Variants in FBLIM1 observed in about 807,000 individuals in gnomAD.
FBLIM1 encodes filamin binding LIM protein 1.
In FBLIM1, 29 loss-of-function variants were observed where a neutral mutation model predicts 37.4. The observed-to-expected ratio is 0.77, with a 90% CI of 0.58 to 1.06. FBLIM1 has a LOEUF of 1.06. Among genes scored for constraint, FBLIM1 ranks in the 50% least tolerant of loss-of-function variants. The pLI is 0.00. For missense variants in FBLIM1, 449 were observed against 505.6 expected (o/e 0.89, Z 1.07); for synonymous variants, 193 against 199.0 (o/e 0.97, Z 0.25).
rs773042702 is a variant in FBLIM1, at chr1:15,774,801, G to A, written c.890+5G>A. On this transcript the variant is annotated splice_donor_5th_base_variant and intron_variant, in intron 7 of 8. Coordinates refer to ENST00000375766, the MANE Select transcript of FBLIM1 (RefSeq NM_017556.4). ...CTGCCTGGACGACTTCTACAGGTAC[G>A]AGAAGGGTTTGTGCACTGGGTGGGG... The A allele has an allele frequency of 9.3e-6, 15 of 1,614,104 alleles. No homozygotes were observed. The South Asian group carries it at 9.9e-5, about 11-fold the overall frequency.
chr1:15,774,851 C>A, intron 7 of FBLIM1, 55 bp downstream of exon 7: 1 of 1,613,666 alleles, frequency 6.2e-7, no homozygotes, highest in South Asian at 1.1e-5. Flanking sequence ...GAGACCCAAG[C>A]AGGGTGAAGG....
At chr1:15,760,901 C>T (rs764911456) in intron 1 of FBLIM1, among the ~76,000 whole-genome samples, 1 of 152,128 alleles carries the variant, frequency 6.6e-6, no homozygotes, top group African/African-American at 2.4e-5. Context: ...CCAGCTGAAT[C>T]GGTGGCAGTG....
At chr1:15,759,139 G>T (rs1412554408) in intron 1 of FBLIM1, among the ~76,000 whole-genome samples, 1 of 152,146 alleles carries the variant, frequency 6.6e-6, no homozygotes, top group Non-Finnish European at 1.5e-5. Flanking sequence ...GGGACCCGGC[G>T]CGCAGGGCGG....
chr1:15,776,309 C>T (rs992286536), intron 7 of FBLIM1, among the ~76,000 whole-genome samples: 36 of 152,142 alleles, frequency 2.4e-4, no homozygotes, highest in African/African-American at 8.0e-4. Context: ...CAGGCAGGTA[C>T]GATTAAGGGT....
intron 7 of FBLIM1, among the ~76,000 whole-genome samples, chr1:15,775,534 CAAAA>C (rs1161761535): frequency 2.4e-5 from 2 of 84,334 alleles, no homozygotes. Context: ...GACTCTGTCT[CAAAA>C]AAAAAAAAAA....
intron 8 of FBLIM1, among the ~76,000 whole-genome samples, chr1:15,779,557 C>T (rs1232901431): frequency 6.6e-6 from 1 of 152,130 alleles, no homozygotes; most frequent in Non-Finnish European, 1.5e-5. Flanking sequence ...CCTGCCTCAG[C>T]CTCCCAAAGT....
At chr1:15,762,867 T>C (rs535795866) in intron 1 of FBLIM1, among the ~76,000 whole-genome samples, 2 of 151,892 alleles carry the variant, frequency 1.3e-5, no homozygotes, top group Non-Finnish European at 2.9e-5. Flanking sequence ...AATCGGGGGG[T>C]GCCTTGTGGA....
chr1:15,760,954 C>G (rs567299347), intron 1 of FBLIM1, among the ~76,000 whole-genome samples: 1 of 152,260 alleles, frequency 6.6e-6, no homozygotes, highest in East Asian at 1.9e-4. Context: ...ATGGGATTGA[C>G]AGGGCTTTGA....
At chr1:15,764,743 CT>C in intron 2 of FBLIM1, 58 bp downstream of exon 2, 1 of 573,096 alleles carries the variant, frequency 1.7e-6, no homozygotes, top group Non-Finnish European at 3.0e-6. Flanking sequence ...GCAGTCAGGA[CT>C]TTTGGGTCTC....
At chr1:15,781,061 T>C (rs2069622050) in intron 8 of FBLIM1, among the ~76,000 whole-genome samples, 1 of 151,848 alleles carries the variant, frequency 6.6e-6, no homozygotes, top group African/African-American at 2.4e-5. Flanking sequence ...ACTCCAGCAG[T>C]TATGTGTCAG....
chr1:15,763,992 G>C (rs1468417747), intron 1 of FBLIM1, among the ~76,000 whole-genome samples: 1 of 152,168 alleles, frequency 6.6e-6, no homozygotes, highest in Non-Finnish European at 1.5e-5. Flanking sequence ...GAAAGATCAG[G>C]GTTAGGAGGT....
chr1:15,759,134 C>A (rs1007121569), intron 1 of FBLIM1, among the ~76,000 whole-genome samples: 7 of 151,886 alleles, frequency 4.6e-5, no homozygotes, highest in African/African-American at 1.7e-4. Context: ...AGCCGGGGAC[C>A]CGGCGCGCAG....
upstream of FBLIM1, among the ~76,000 whole-genome samples, chr1:15,757,481 G>A (rs2068470793): frequency 1.3e-5 from 2 of 152,160 alleles, no homozygotes; most frequent in Non-Finnish European, 2.9e-5. The surrounding 1 kb of genome is among the most constrained non-coding windows in gnomAD (Gnocchi z 4.1). Context: ...GACTGCTGCT[G>A]TTACTGCAGC....
chr1:15,757,886 T>A, upstream of FBLIM1: 2 of 152,062 alleles, frequency 1.3e-5, no homozygotes, highest in East Asian at 3.9e-4. The surrounding 1 kb of genome is among the most constrained non-coding windows in gnomAD (Gnocchi z 4.1). Flanking sequence ...CCCGTCCTAA[T>A]TGCTCCAGCT....
chr1:15,779,965 G>A (rs2069594486), intron 8 of FBLIM1, among the ~76,000 whole-genome samples: 1 of 152,022 alleles, frequency 6.6e-6, no homozygotes, highest in South Asian at 2.1e-4. Flanking sequence ...AGCCTTGAAC[G>A]AACTTTTGGG....
chr1:15,767,347 G>T, intron 3 of FBLIM1, 29 bp from the exon 4 acceptor site: 1 of 1,535,356 alleles, frequency 6.5e-7, no homozygotes, highest in Non-Finnish European at 8.7e-7. Flanking sequence ...GGGAGGCTCT[G>T]ACCAGCCCTC....
At chr1:15,762,820 C>G (rs1041733846) in intron 1 of FBLIM1, among the ~76,000 whole-genome samples, 1 of 152,236 alleles carries the variant, frequency 6.6e-6, no homozygotes, top group African/African-American at 2.4e-5. Flanking sequence ...TTTCGTCCAC[C>G]CTTGGCAGCA....
intron 1 of FBLIM1, among the ~76,000 whole-genome samples, chr1:15,760,153 G>T (rs1246969892): frequency 6.6e-6 from 1 of 152,128 alleles, no homozygotes; most frequent in African/African-American, 2.4e-5. Flanking sequence ...AACCCAGGAG[G>T]CGGAGGTTGC....
Position 15,774,864 on chromosome 1 carries a change from C to T in FBLIM1, c.890+68C>T, listed in dbSNP as rs2069415000. The stretch of plus-strand genomic sequence containing the variant: ...GCGAGACCCAAGCAGGGTGAAGGAG[C>T]TGAGCTTGAGTCCTGGGTGCTGGGC... On this transcript the variant is annotated intron_variant, in intron 7 of 8. Coordinates refer to ENST00000375766, the MANE Select transcript of FBLIM1 (RefSeq NM_017556.4). The T allele has an allele frequency of 1.4e-5, 23 of 1,613,334 alleles. 1 individual carries two copies. In the Admixed American group the frequency reaches 3.7e-4, roughly 26 times the overall value.
Sources: gnomAD v4.1 joint callset for allele counts (sites outside exome capture counted in the v4.1 genomes callset) on GRCh38, gnomAD v4.1.1 for gene constraint, Gnocchi (gnomAD v3.1) non-coding constraint, MANE v1.5 for transcripts, NCBI Gene and HGNC (gene_info 2026-07-23, HGNC 2026-07-21) for gene names.